Variants in HDAC4 observed in about 807,000 individuals in gnomAD.
HDAC4 encodes the protein histone deacetylase A.
In HDAC4, 16 loss-of-function variants were observed where a neutral mutation model predicts 135.1. The ratio of observed to expected loss-of-function variants is 0.12; its 90% CI spans 0.08 to 0.18. The LOEUF (loss-of-function observed/expected upper bound fraction) is 0.18, where lower values mean the gene tolerates loss of function less well. HDAC4 is among the 10% of genes least tolerant of loss of function. HDAC4 has a pLI of 1.00. For synonymous variants in HDAC4, 685 were observed against 653.4 expected, an observed-to-expected ratio of 1.05 and a Z score of -0.74; for missense variants, 1,143 against 1,511.8, an observed-to-expected ratio of 0.76 and a Z score of 4.05.
chr2:239,166,955 C>A (rs2043153879), intron 5 of HDAC4, among the ~76,000 whole-genome samples: 1 of 152,116 alleles, frequency 6.6e-6, no homozygotes, highest in Non-Finnish European at 1.5e-5. Context: ...TGGGTACTAC[C>A]CATGCTGCTG....
rs557379506 is a variant in HDAC4 at position 239,235,487 on chromosome 2, C to G, written c.94+1106G>C. Among the ~76,000 whole-genome samples, 6 of 152,370 alleles carry G rather than the reference C, an allele frequency of 3.9e-5. No homozygotes were observed. The East Asian group carries it at 9.6e-4, about 25-fold the overall frequency. ...TGCAGCAGAGCCAAAACCAGAGACC[C>G]AGGCCTCGGGACGCAGTCCCTGCAA... On this transcript the variant is annotated intron_variant, in intron 3 of 26. Coordinates refer to ENST00000543185, the MANE Select transcript of HDAC4 (RefSeq NM_001378414.1).
intron 3 of HDAC4, among the ~76,000 whole-genome samples, chr2:239,197,403 C>A (rs937968750): frequency 6.6e-6 from 1 of 152,198 alleles, no homozygotes; most frequent in South Asian, 2.1e-4. Flanking sequence ...ATTTCGAAGC[C>A]GTGTGGTTTG....
chr2:239,127,054 T>A (rs1022664844), intron 11 of HDAC4, among the ~76,000 whole-genome samples: 5 of 151,594 alleles, frequency 3.3e-5, no homozygotes, highest in African/African-American at 1.2e-4. Flanking sequence ...TGGGTTTTGG[T>A]CTGAACAGCA....
In HDAC4 at chr2:239,308,083, A is replaced by G. The variant is rs968420225; in HGVS notation, c.22+44595T>C. On this transcript the variant is annotated intron_variant, in intron 2 of 26. Coordinates refer to ENST00000543185, the MANE Select transcript of HDAC4 (RefSeq NM_001378414.1). The surrounding 1 kb of genome is among the most constrained non-coding windows in gnomAD (Gnocchi z 4.2). ...CCCAACGGTGAGAGCCGGGCCCATC[A>G]CAAGCCCTCTCTGGGCCTTGTCACT... is the stretch of plus-strand genomic sequence containing the variant. Among the ~76,000 whole-genome samples, 1 of 152,190 alleles carries G rather than the reference A, an allele frequency of 6.6e-6. No homozygotes were observed. The highest frequency in any genetic ancestry group is 1.5e-5 in the Non-Finnish European group (1 of 68,024).
chr2:239,211,794 A>C (rs904720062), intron 3 of HDAC4, among the ~76,000 whole-genome samples: 1 of 152,248 alleles, frequency 6.6e-6, no homozygotes, highest in African/African-American at 2.4e-5. Flanking sequence ...ACTGTCTTCA[A>C]GGACTGCTAT....
chr2:239,180,731 A>G (rs1251494380), intron 4 of HDAC4, among the ~76,000 whole-genome samples: 1 of 152,180 alleles, frequency 6.6e-6, no homozygotes, highest in African/African-American at 2.4e-5. Context: ...TGAGTGCCCC[A>G]TGTGGATGGA....
chr2:239,207,481 G>T (rs2046112417), intron 3 of HDAC4, among the ~76,000 whole-genome samples: 1 of 152,120 alleles, frequency 6.6e-6, no homozygotes. Flanking sequence ...ACAAACTTCT[G>T]TTATGAGTGA....
intron 2 of HDAC4, among the ~76,000 whole-genome samples, chr2:239,329,390 C>T (rs950064045): frequency 3.3e-5 from 5 of 152,192 alleles, no homozygotes; most frequent in Non-Finnish European, 7.4e-5. Flanking sequence ...TTTGATTCTG[C>T]CCCGTCATCT....
At chr2:239,367,363 G>C (rs949983287) in intron 1 of HDAC4, among the ~76,000 whole-genome samples, 2 of 152,126 alleles carry the variant, frequency 1.3e-5, no homozygotes, top group African/African-American at 4.8e-5. Context: ...GTGTTTTACC[G>C]AACGGTTATT....
At chr2:239,067,671 G>A (rs1341959522) in intron 23 of HDAC4, among the ~76,000 whole-genome samples, 1 of 152,192 alleles carries the variant, frequency 6.6e-6, no homozygotes, top group Non-Finnish European at 1.5e-5. Context: ...GCACGGCCTG[G>A]TGGACTGTGG....
intron 8 of HDAC4, among the ~76,000 whole-genome samples, chr2:239,142,259 C>T (rs909969997): frequency 2.6e-5 from 4 of 152,128 alleles, no homozygotes; most frequent in African/African-American, 4.8e-5. Flanking sequence ...CCAAGAACCG[C>T]GACTGCCTCC....
chr2:239,126,516 A>C lies in HDAC4; in HGVS notation c.1473T>G (p.His491Gln), dbSNP rs1231396691. 13 of 1,613,384 alleles carry C rather than the reference A, an allele frequency of 8.1e-6. No homozygotes were observed. Among genetic ancestry groups the C allele is most frequent in the Admixed American group, 1.7e-5 (1 of 59,918 alleles). The change falls in exon 12 of 27, where the codon CAT becomes CAG. Residue 491 changes from histidine (H) to glutamine (Q), a missense_variant. His to Gln is a conservative substitution (Grantham distance 24). This residue lies in a region of HDAC4 where 7 missense variants were observed against 30.5 expected (regional missense o/e 0.23). Coordinates refer to ENST00000543185, the MANE Select transcript of HDAC4 (RefSeq NM_001378414.1). ...GCTTGTGTTTCTCCAGAAACTGCTG[A>C]TGCTGCTGCTGGATGACCAGGTGCT... is the stretch of plus-strand genomic sequence containing the variant. ...ALQHLVIQQQ[H>Q]QQFLEKHKQQ...
chr2:239,220,940 AGGGACCGACCTT>A (rs1242823806), intron 3 of HDAC4, among the ~76,000 whole-genome samples: 1 of 152,162 alleles, frequency 6.6e-6, no homozygotes, highest in African/African-American at 2.4e-5. Flanking sequence ...AAAAAAAGCC[AGGGACCGACCTT>A]GGTACCGTGT....
At chr2:239,171,786 T>C (rs1005792244) in intron 5 of HDAC4, among the ~76,000 whole-genome samples, 18 of 152,058 alleles carry the variant, frequency 1.2e-4, no homozygotes, top group Non-Finnish European at 2.6e-4. Flanking sequence ...GAAGGAACAA[T>C]AGGATGGACA....
chr2:239,138,865 C>T (rs1451750778), intron 9 of HDAC4, among the ~76,000 whole-genome samples: 4 of 152,350 alleles, frequency 2.6e-5, no homozygotes, highest in East Asian at 3.9e-4. Context: ...GCGAGGTCCT[C>T]GGACCTGCTG....
At chr2:239,198,776 A>T (rs997845139) in intron 3 of HDAC4, among the ~76,000 whole-genome samples, 18 of 152,232 alleles carry the variant, frequency 1.2e-4, no homozygotes, top group African/African-American at 4.1e-4. Flanking sequence ...TCTGGAATAT[A>T]TATTTTTATC....
intron 2 of HDAC4, among the ~76,000 whole-genome samples, chr2:239,345,713 C>A (rs926486427): frequency 6.6e-6 from 1 of 151,044 alleles, no homozygotes; most frequent in African/African-American, 2.4e-5. Context: ...CTCACCCTAA[C>A]ACACACACCC....
intron 2 of HDAC4, among the ~76,000 whole-genome samples, chr2:239,266,435 G>A (rs536893332): frequency 1.3e-5 from 2 of 152,170 alleles, no homozygotes; most frequent in Admixed American, 6.5e-5. Flanking sequence ...ACCTGCCCAG[G>A]GGGGCCTGGC....
intron 3 of HDAC4, among the ~76,000 whole-genome samples, chr2:239,210,890 G>C (rs111642863): frequency 7.0e-4 from 107 of 152,250 alleles, no homozygotes; most frequent in African/African-American, 2.4e-3. Context: ...GGACAAGGAC[G>C]AAAAAGCACT....
Sources: gnomAD v4.1 joint callset for allele counts (sites outside exome capture counted in the v4.1 genomes callset) on GRCh38, gnomAD v4.1.1 for gene constraint, gnomAD v4.1.1 regional missense constraint, Gnocchi (gnomAD v3.1) non-coding constraint, MANE v1.5 for transcripts, NCBI Gene and HGNC (gene_info 2026-07-23, HGNC 2026-07-21) for gene names.